Variants in RGS8 observed in about 807,000 individuals in gnomAD.
RGS8 encodes the protein regulator of G protein signaling 8.
RGS8 carries 8 observed loss-of-function variants against 21.7 expected under a neutral mutation model. That is an observed-to-expected ratio of 0.37 (90% CI 0.22 to 0.66). RGS8 has a LOEUF of 0.66. Among genes scored for constraint, RGS8 ranks in the 30% least tolerant of loss-of-function variants. RGS8 has a pLI of 0.59. For missense variants in RGS8, 157 were observed against 217.9 expected (o/e 0.72, Z 1.76); for synonymous variants, 80 against 83.6 (o/e 0.96, Z 0.24).
intron 6 of RGS8, among the ~76,000 whole-genome samples, chr1:182,647,382 G>A (rs527891365): frequency 6.0e-4 from 92 of 152,312 alleles, no homozygotes; most frequent in Non-Finnish European, 1.1e-3. Context: ...GCACATCTGT[G>A]TTCCAAACAG....
upstream of RGS8, among the ~76,000 whole-genome samples, chr1:182,676,207 G>A (rs191524928): frequency 6.6e-6 from 1 of 152,218 alleles, no homozygotes; most frequent in Non-Finnish European, 1.5e-5. Flanking sequence ...TAATTAAATT[G>A]AAGATAAAGG....
chr1:182,706,334 C>T, the RGS8 span, among the ~76,000 whole-genome samples: 8,563 of 152,180 alleles, frequency 0.056, 268 homozygotes, highest in African/African-American at 0.084. Context: ...GCTCCCCTGT[C>T]CAACTAGTGC....
At chr1:182,660,700 C>T (rs570750649) in intron 5 of RGS8, among the ~76,000 whole-genome samples, 77 of 150,244 alleles carry the variant, frequency 5.1e-4, no homozygotes, top group African/African-American at 1.9e-3. Context: ...CACAGGCCAC[C>T]TGCCCCACCA....
intron 5 of RGS8, among the ~76,000 whole-genome samples, chr1:182,653,206 G>C (rs757111761): frequency 6.6e-6 from 1 of 152,168 alleles, no homozygotes; most frequent in Admixed American, 6.5e-5. Context: ...AGCGTTGGCA[G>C]GAAGAGTTTT....
chr1:182,721,072 CATATAT>C, the RGS8 span, among the ~76,000 whole-genome samples: 3 of 66,926 alleles, frequency 4.5e-5, no homozygotes, highest in African/African-American at 1.9e-4. Flanking sequence ...TGTATATATA[CATATAT>C]ACACATATAT....
At chr1:182,724,848 G>A in the RGS8 span, among the ~76,000 whole-genome samples, 11 of 152,272 alleles carry the variant, frequency 7.2e-5, no homozygotes, top group South Asian at 4.1e-4. Flanking sequence ...ATGAGCCACC[G>A]CGCCCGGCCT....
chr1:182,687,000 G>A (rs1664726138), upstream of RGS8, among the ~76,000 whole-genome samples: 1 of 152,164 alleles, frequency 6.6e-6, no homozygotes, highest in Non-Finnish European at 1.5e-5. Flanking sequence ...AGAAGTTAAT[G>A]TGGGTGAGAA....
At chr1:182,648,001 A>T in intron 6 of RGS8, 136 bp downstream of exon 7, 1 of 721,666 alleles carries the variant, frequency 1.4e-6, no homozygotes, top group Non-Finnish European at 2.1e-6. Context: ...TCCTTTTTTC[A>T]TCAAGGGCCA....
At chr1:182,670,633 G>C (rs1307120580) in intron 2 of RGS8, among the ~76,000 whole-genome samples, 2 of 152,162 alleles carry the variant, frequency 1.3e-5, no homozygotes, top group African/African-American at 4.8e-5. Context: ...AATTTAGATA[G>C]ATAAGACTCC....
the RGS8 span, among the ~76,000 whole-genome samples, chr1:182,719,136 CT>C: frequency 2.6e-5 from 4 of 152,186 alleles, no homozygotes; most frequent in African/African-American, 9.7e-5. Context: ...ATTATTCGGC[CT>C]TCTTAGTCCC....
the RGS8 span, among the ~76,000 whole-genome samples, chr1:182,705,843 C>T: frequency 0.035 from 5,269 of 152,294 alleles, 117 homozygotes; most frequent in Middle Eastern, 0.054. Context: ...CCCCGTTCAA[C>T]AGCTTCTTCT....
chr1:182,668,941 C>T (rs1664014800), intron 3 of RGS8, among the ~76,000 whole-genome samples: 1 of 152,130 alleles, frequency 6.6e-6, no homozygotes, highest in Non-Finnish European at 1.5e-5. Context: ...ATTCCTTGTG[C>T]CTCAGGATCA....
At chr1:182,656,979 C>A (rs1209810912) in intron 5 of RGS8, among the ~76,000 whole-genome samples, 1 of 152,198 alleles carries the variant, frequency 6.6e-6, no homozygotes, top group Non-Finnish European at 1.5e-5. Flanking sequence ...ATACTTTAGT[C>A]TGAATAATGG....
the RGS8 span, among the ~76,000 whole-genome samples, chr1:182,747,708 T>C: frequency 3.2e-3 from 482 of 152,224 alleles, 7 homozygotes; most frequent in African/African-American, 0.011. Context: ...GAAAGCAACA[T>C]TGAAAGTTAG....
chr1:182,687,294 C>T (rs1664733371), upstream of RGS8, among the ~76,000 whole-genome samples: 1 of 152,206 alleles, frequency 6.6e-6, no homozygotes, highest in African/African-American at 2.4e-5. Flanking sequence ...CCTTGGGCCT[C>T]AGCCTCTGAA....
chr1:182,666,143 G>A, intron 4 of RGS8, 110 bp from the exon 6 acceptor site: 1 of 830,182 alleles, frequency 1.2e-6, no homozygotes, highest in Non-Finnish European at 2.0e-6. Flanking sequence ...GGGGAAGGGT[G>A]CAGGGAGCAA....
the RGS8 span, among the ~76,000 whole-genome samples, chr1:182,742,906 A>G: frequency 6.6e-6 from 1 of 152,228 alleles, no homozygotes; most frequent in Admixed American, 6.5e-5. Flanking sequence ...CAATCAGGGG[A>G]CACAATTAAT....
the RGS8 span, among the ~76,000 whole-genome samples, chr1:182,748,012 A>G: frequency 6.6e-5 from 10 of 152,070 alleles, no homozygotes; most frequent in Non-Finnish European, 2.9e-5. Context: ...GACAGGTATC[A>G]TTGTGTCCAA....
chr1:182,750,892 TACTC>T, the RGS8 span, among the ~76,000 whole-genome samples: 9 of 152,214 alleles, frequency 5.9e-5, no homozygotes, highest in Non-Finnish European at 1.2e-4. Context: ...CAGAATGTAA[TACTC>T]ACTTTATATG....
Sources: allele counts gnomAD v4.1 joint callset (sites outside exome capture counted in the v4.1 genomes callset), GRCh38; gene constraint gnomAD v4.1.1; transcripts MANE v1.5; gene names NCBI Gene and HGNC (gene_info 2026-07-23, HGNC 2026-07-21).